Variants in LSAMP observed in about 807,000 individuals in gnomAD.
The protein encoded by LSAMP is limbic system-associated membrane protein.
LSAMP carries 7 observed loss-of-function variants against 38.6 expected under a neutral mutation model. The ratio of observed to expected loss-of-function variants is 0.18; its 90% CI spans 0.10 to 0.34. The LOEUF (loss-of-function observed/expected upper bound fraction) is 0.34, where lower values mean the gene tolerates loss of function less well. Ranked by LOEUF, LSAMP falls within the 10% of genes least tolerant of loss-of-function variation. The probability of loss-of-function intolerance (pLI) is 1.00; values close to 1 mark genes in which losing one functional copy is unlikely to be tolerated. For missense variants in LSAMP, 313 were observed against 420.0 expected (o/e 0.75, Z 2.23); for synonymous variants, 154 against 166.8 (o/e 0.92, Z 0.59).
chr3:115,965,450 G>C (rs539226967), intron 3 of LSAMP, among the ~76,000 whole-genome samples: 1 of 151,668 alleles, frequency 6.6e-6, no homozygotes, highest in African/African-American at 2.4e-5. Context: ...ATAACCATGG[G>C]GTGAAGAAGG....
At chr3:115,990,061 T>C (rs996313703) in intron 3 of LSAMP, among the ~76,000 whole-genome samples, 2 of 152,016 alleles carry the variant, frequency 1.3e-5, no homozygotes, top group Non-Finnish European at 2.9e-5. Flanking sequence ...TGAGATGACA[T>C]ACAAAAGAGA....
intron 3 of LSAMP, among the ~76,000 whole-genome samples, chr3:115,854,956 A>G (rs780022767): frequency 6.6e-6 from 1 of 152,244 alleles, no homozygotes; most frequent in East Asian, 1.9e-4. Context: ...ATAGTTAATA[A>G]TAATTTCAGA....
chr3:116,273,683 C>CAGAGATATATATAT (rs150705226), intron 1 of LSAMP, among the ~76,000 whole-genome samples: 1 of 50,528 alleles, frequency 2.0e-5, no homozygotes, highest in Non-Finnish European at 3.2e-5. Context: ...GAGAAAGAGG[C>CAGAGATATATATAT]ATATATATAT....
intron 1 of LSAMP, among the ~76,000 whole-genome samples, chr3:116,197,130 G>GACACACACACACACACACACACACAC (rs10650049): frequency 4.4e-4 from 60 of 136,800 alleles, no homozygotes; most frequent in African/African-American, 1.6e-3. Flanking sequence ...ATCCCACTCG[G>GACACACACACACACACACACACACAC]ACACACACAC....
At chr3:116,012,377 C>A (rs1393402644) in intron 3 of LSAMP, among the ~76,000 whole-genome samples, 2 of 152,076 alleles carry the variant, frequency 1.3e-5, no homozygotes, top group African/African-American at 4.8e-5. Context: ...ATAATCATCT[C>A]TTGAAACACC....
At chr3:115,948,229 A>G (rs1314918204) in intron 3 of LSAMP, among the ~76,000 whole-genome samples, 1 of 152,234 alleles carries the variant, frequency 6.6e-6, no homozygotes. Flanking sequence ...TGAAGATTTC[A>G]TTCATTTGGT....
intron 6 of LSAMP, among the ~76,000 whole-genome samples, chr3:115,820,625 T>C (rs1181448546): frequency 6.6e-6 from 1 of 152,214 alleles, no homozygotes; most frequent in Non-Finnish European, 1.5e-5. Context: ...TGATTCAACC[T>C]CTCTTATTGG....
chr3:115,934,302 C>T (rs936611196), intron 3 of LSAMP, among the ~76,000 whole-genome samples: 1 of 151,942 alleles, frequency 6.6e-6, no homozygotes, highest in African/African-American at 2.4e-5. Context: ...CCTCCGCCTC[C>T]CAATAGGTTG....
At chr3:116,401,253 T>G (rs1460154930) in intron 1 of LSAMP, among the ~76,000 whole-genome samples, 1 of 152,176 alleles carries the variant, frequency 6.6e-6, no homozygotes, top group East Asian at 1.9e-4. Flanking sequence ...CTGGAATGAT[T>G]TCTTTACATC....
chr3:115,981,956 C>T (rs1052000034), intron 3 of LSAMP, among the ~76,000 whole-genome samples: 3 of 152,188 alleles, frequency 2.0e-5, no homozygotes, highest in African/African-American at 7.2e-5. Flanking sequence ...ACAAGAGTCA[C>T]TAACAATGGA....
chr3:116,230,659 G>C lies in LSAMP; in HGVS notation c.156-144103C>G, dbSNP rs986674295. ...TACCATAGAAAGGTCTCTCCTTTGT[G>C]ACTAAGCCTTTTCCAGTTGTTGAAA... On this transcript the variant is annotated intron_variant, in intron 1 of 6. Transcript: ENST00000490035. Among the ~76,000 whole-genome samples, 35 of 152,202 alleles carry C rather than the reference G, an allele frequency of 2.3e-4. 1 individual carries two copies. Among genetic ancestry groups the C allele is most frequent in the African/African-American group, 8.2e-4 (34 of 41,520 alleles).
intron 1 of LSAMP, among the ~76,000 whole-genome samples, chr3:116,210,580 C>T (rs1399936131): frequency 1.3e-5 from 2 of 152,180 alleles, no homozygotes; most frequent in African/African-American, 4.8e-5. Flanking sequence ...GGTTTTGGGA[C>T]TCGGACTGGC....
At chr3:116,189,299 G>C (rs1710698532) in intron 1 of LSAMP, among the ~76,000 whole-genome samples, 1 of 152,114 alleles carries the variant, frequency 6.6e-6, no homozygotes, top group African/African-American at 2.4e-5. Context: ...TTTGAGAAGA[G>C]AGTGGTGTTG....
chr3:116,393,941 C>T (rs2048736282), intron 1 of LSAMP, among the ~76,000 whole-genome samples: 1 of 152,186 alleles, frequency 6.6e-6, no homozygotes, highest in African/African-American at 2.4e-5. Context: ...TTTGCTGCAT[C>T]ACTTACATTG....
chr3:116,122,333 A>G (rs1024945539), intron 1 of LSAMP, among the ~76,000 whole-genome samples: 2 of 152,174 alleles, frequency 1.3e-5, no homozygotes, highest in African/African-American at 4.8e-5. Context: ...TTACCAAGTG[A>G]TGTTTAAATA....
intron 1 of LSAMP, among the ~76,000 whole-genome samples, chr3:116,379,910 C>T (rs1454382738): frequency 6.6e-6 from 1 of 152,024 alleles, no homozygotes; most frequent in African/African-American, 2.4e-5. Context: ...ACTCAGATCG[C>T]TTCTGTGTTT....
At chr3:116,299,484 A>G (rs113859112) in intron 1 of LSAMP, among the ~76,000 whole-genome samples, 5,742 of 152,360 alleles carry the variant, frequency 0.038, 136 homozygotes, top group Middle Eastern at 0.071. Context: ...AATACTTTTA[A>G]TTAATCTGAA....
At chr3:116,367,536 C>A (rs2048370630) in intron 1 of LSAMP, among the ~76,000 whole-genome samples, 2 of 143,796 alleles carry the variant, frequency 1.4e-5, no homozygotes, top group African/African-American at 5.3e-5. Flanking sequence ...CAGAGCTTAG[C>A]TCTTGTTGCC....
At chr3:116,444,806 ACACAAACAC>A in intron 1 of LSAMP, 62 bp downstream of exon 1, 1 of 1,523,364 alleles carries the variant, frequency 6.6e-7, no homozygotes, top group South Asian at 1.2e-5. Flanking sequence ...ACACACACAC[ACACAAACAC>A]ACACACACAC....
Sources: allele counts gnomAD v4.1 joint callset (sites outside exome capture counted in the v4.1 genomes callset), GRCh38; gene constraint gnomAD v4.1.1; transcripts MANE v1.5; gene names NCBI Gene and HGNC (gene_info 2026-07-23, HGNC 2026-07-21).